The following NRXN1 variants were observed in gnomAD, a reference collection of about 807,000 sequenced individuals.
NRXN1 encodes the protein neurexin-1.
A neutral mutation model predicts 150.9 loss-of-function variants in NRXN1; 39 were observed. The observed-to-expected ratio is 0.26, with a 90% CI of 0.20 to 0.34. The LOEUF (loss-of-function observed/expected upper bound fraction) is 0.34. Among genes scored for constraint, NRXN1 ranks in the 10% least tolerant of loss-of-function variants. The pLI is 1.00. For synonymous variants in NRXN1, 924 were observed against 757.0 expected, an observed-to-expected ratio of 1.22 and a Z score of -3.62; for missense variants, 1,815 against 1,949.9, an observed-to-expected ratio of 0.93 and a Z score of 1.30.
At chr2:50,665,969 T>C (rs1294180533) in intron 5 of NRXN1, among the ~76,000 whole-genome samples, 1 of 151,876 alleles carries the variant, frequency 6.6e-6, no homozygotes, top group Non-Finnish European at 1.5e-5. Context: ...ATTTTATACA[T>C]CTATGAAACT....
Position 50,329,649 on chromosome 2 carries a change from A to T in NRXN1, c.3365-92679T>A, listed in dbSNP as rs1339742194. The stretch of plus-strand genomic sequence containing the variant: ...TATATATATATATATATATATATAT[A>T]TATATATATATATATATATATATAT... On this transcript the variant is annotated intron_variant, in intron 17 of 22. Transcript: ENST00000401669. Among the ~76,000 whole-genome samples, 30 of 22,010 alleles carry T rather than the reference A, an allele frequency of 1.4e-3. 2 individuals are homozygous for T. In the African/African-American group the frequency reaches 0.014, roughly 11 times the overall value. The allele number at this position is 22,010 out of a possible 152,430, so 14.4% of individuals were successfully genotyped here. A position where few individuals can be genotyped will look rare whatever the true frequency, so the allele number is the denominator to read the frequency against.
intron 8 of NRXN1, among the ~76,000 whole-genome samples, chr2:50,580,550 T>A (rs908175168): frequency 6.6e-6 from 1 of 152,246 alleles, no homozygotes; most frequent in Non-Finnish European, 1.5e-5. Context: ...GAGACACTTC[T>A]GACTCACCTA....
At chr2:50,594,579 G>T (rs1304604911) in intron 8 of NRXN1, among the ~76,000 whole-genome samples, 1 of 152,110 alleles carries the variant, frequency 6.6e-6, no homozygotes, top group East Asian at 1.9e-4. Context: ...AAAAAGCAAA[G>T]CCTTCTAATA....
intron 18 of NRXN1, among the ~76,000 whole-genome samples, chr2:50,107,296 T>C (rs1414228478): frequency 1.3e-5 from 2 of 150,998 alleles, no homozygotes; most frequent in Admixed American, 6.6e-5. Flanking sequence ...TGCTCTTGCT[T>C]GCTAAAACTC....
At chr2:50,624,301 C>T (rs1680596394) in intron 5 of NRXN1, among the ~76,000 whole-genome samples, 2 of 152,174 alleles carry the variant, frequency 1.3e-5, no homozygotes, top group African/African-American at 4.8e-5. Flanking sequence ...TTTTCAGTAT[C>T]ACTGCAAGAG....
At chr2:50,180,652 C>T (rs1043617021) in intron 18 of NRXN1, among the ~76,000 whole-genome samples, 3 of 152,040 alleles carry the variant, frequency 2.0e-5, no homozygotes, top group Non-Finnish European at 2.9e-5. Flanking sequence ...CACTCGAGGC[C>T]CCATCCTAAA....
At chr2:51,013,021 G>C (rs1668122768) in intron 2 of NRXN1, among the ~76,000 whole-genome samples, 1 of 151,994 alleles carries the variant, frequency 6.6e-6, no homozygotes, top group South Asian at 2.1e-4. Context: ...TAAACGGACT[G>C]AGATGTAAGA....
chr2:50,197,389 C>T (rs1024899574), intron 18 of NRXN1, among the ~76,000 whole-genome samples: 2 of 152,020 alleles, frequency 1.3e-5, no homozygotes, highest in Non-Finnish European at 2.9e-5. Flanking sequence ...GTTTCCTTTT[C>T]CTAAAATGAA....
chr2:50,266,001 T>A (rs564515982), intron 17 of NRXN1, among the ~76,000 whole-genome samples: 85 of 49,900 alleles, frequency 1.7e-3, no homozygotes, highest in Non-Finnish European at 2.9e-3. Context: ...TATTATTATT[T>A]ATTTTTTTTT....
chr2:50,317,019 TA>T (rs1388373562), intron 17 of NRXN1, among the ~76,000 whole-genome samples: 1 of 151,992 alleles, frequency 6.6e-6, no homozygotes, highest in Admixed American at 6.6e-5. Flanking sequence ...AGGACATTAT[TA>T]AAGAGTATTT....
intron 13 of NRXN1, among the ~76,000 whole-genome samples, chr2:50,504,083 A>G (rs11895850): frequency 0.2 from 29,657 of 150,486 alleles, 4,443 homozygotes; most frequent in African/African-American, 0.4. Flanking sequence ...GTGATGAAAA[A>G]CAAATAAAGT....
chr2:50,139,533 T>A (rs1460348672), intron 18 of NRXN1, among the ~76,000 whole-genome samples: 1 of 152,132 alleles, frequency 6.6e-6, no homozygotes, highest in Non-Finnish European at 1.5e-5. Flanking sequence ...AAAGTTCCAT[T>A]CTTTTCAATG....
At chr2:51,005,851 A>G (rs557460242) in intron 2 of NRXN1, among the ~76,000 whole-genome samples, 1 of 151,998 alleles carries the variant, frequency 6.6e-6, no homozygotes, top group South Asian at 2.1e-4. Flanking sequence ...GGCTGAGTGG[A>G]TTAAAACAAA....
At chr2:50,068,319 G>A (rs1695680621) in intron 19 of NRXN1, among the ~76,000 whole-genome samples, 1 of 152,122 alleles carries the variant, frequency 6.6e-6, no homozygotes, top group Non-Finnish European at 1.5e-5. Flanking sequence ...TAAAACCACT[G>A]AAGTAAAATA....
chr2:50,573,878 G>A (rs1476694070), intron 8 of NRXN1, among the ~76,000 whole-genome samples: 3 of 151,990 alleles, frequency 2.0e-5, no homozygotes, highest in African/African-American at 4.8e-5. Context: ...GTATACAAGA[G>A]AATGTGCCTA....
At chr2:50,936,230 G>A (rs142460716) in intron 2 of NRXN1, among the ~76,000 whole-genome samples, 200 of 152,208 alleles carry the variant, frequency 1.3e-3, no homozygotes, top group Non-Finnish European at 2.4e-3. Flanking sequence ...CTAACCGGCC[G>A]ACTGGTCATC....
intron 5 of NRXN1, among the ~76,000 whole-genome samples, chr2:50,685,748 C>T (rs1691134322): frequency 6.6e-6 from 1 of 152,074 alleles, no homozygotes; most frequent in African/African-American, 2.4e-5. Context: ...AACTGAATAA[C>T]TTGTACCATG....
At chr2:50,297,615 A>G (rs1180349498) in intron 17 of NRXN1, among the ~76,000 whole-genome samples, 3 of 152,174 alleles carry the variant, frequency 2.0e-5, no homozygotes, top group Non-Finnish European at 4.4e-5. Context: ...CTGCCATAAT[A>G]TTTCACAACA....
chr2:50,445,651 T>C (rs2086335764), intron 17 of NRXN1, among the ~76,000 whole-genome samples: 1 of 152,236 alleles, frequency 6.6e-6, no homozygotes, highest in South Asian at 2.1e-4. Flanking sequence ...CACTTATCCC[T>C]ATACTCTGCA....
Sources: gnomAD v4.1 joint callset for allele counts (sites outside exome capture counted in the v4.1 genomes callset) on GRCh38, gnomAD v4.1.1 for gene constraint, MANE v1.5 for transcripts, NCBI Gene and HGNC (gene_info 2026-07-23, HGNC 2026-07-21) for gene names.